The following GADL1 variants were observed in gnomAD, a reference collection of about 807,000 sequenced individuals.
The protein encoded by GADL1 is GAD like acidic amino acid decarboxylase 1.
In GADL1, 71 loss-of-function variants were observed where a neutral mutation model predicts 69.5. The observed-to-expected ratio is 1.02, with a 90% CI of 0.84 to 1.25. GADL1 has a LOEUF of 1.25. Ranked by LOEUF, GADL1 falls within the 50% of genes most tolerant of loss-of-function variation. GADL1 has a pLI of 0.00. For synonymous variants in GADL1, 254 were observed against 214.4 expected (o/e 1.18, Z -1.62); for missense variants, 737 against 631.8 (o/e 1.17, Z -1.79).
chr3:30,731,433 G>A (rs2125468630), intron 14 of GADL1, among the ~76,000 whole-genome samples: 1 of 152,248 alleles, frequency 6.6e-6, no homozygotes, highest in African/African-American at 2.4e-5. Context: ...TAATATATCT[G>A]AGGCTCACAT....
chr3:30,818,280 G>A (rs1307784848), intron 11 of GADL1, among the ~76,000 whole-genome samples: 1 of 152,166 alleles, frequency 6.6e-6, no homozygotes, highest in Non-Finnish European at 1.5e-5. Flanking sequence ...TATTTTACCT[G>A]TCGTGAGAAC....
At position 30,771,506 on chromosome 3, in the gene GADL1, C is replaced by CAT. The variant is rs371054407; in HGVS notation, c.1392+6671_1392+6672dup. ...CAAGTAAGGGGAGCCTCTTAAGTCA[C>CAT]ATTTAGAGCTATTTTCTTTAAAAGG... On this transcript the variant is annotated intron_variant, in intron 14 of 14. Transcript: ENST00000282538. 1.9e-3 allele frequency among the ~76,000 whole-genome samples: 291 copies of CAT among 152,272 alleles called. 1 individual carries two copies. Among genetic ancestry groups the CAT allele is most frequent in the African/African-American group, 6.6e-3 (273 of 41,548 alleles).
Position 30,778,265 on chromosome 3 carries a change from C to G in GADL1, c.1306G>C (p.Glu436Gln). ...TACCAAAAGCAAATATTGGCATATT[C>G]AGGCTGAGAATTAGAAAAAATATAA... Reference protein sequence around the residue: ...REGFKLLMEPEYANICFWYIP... With the variant: ...REGFKLLMEPQYANICFWYIP... The change falls in exon 14 of 15, where the codon GAA becomes CAA. Residue 436 changes from glutamate to glutamine, a missense_variant. Glu to Gln is a conservative substitution (Grantham distance 29). Coordinates refer to ENST00000282538, the MANE Select transcript of GADL1 (RefSeq NM_207359.3). The G allele has an allele frequency of 6.3e-7, 1 of 1,597,228 alleles. No individual in the cohort carries two copies. The highest frequency in any genetic ancestry group is 8.6e-7 in the Non-Finnish European group (1 of 1,166,120).
rs987316172 is a variant in GADL1 at position 30,888,326 on chromosome 3, C to A, written c.37+6252G>T. 1.2e-4 allele frequency among the ~76,000 whole-genome samples: 19 copies of A among 152,060 alleles called. 1 individual carries two copies. Among genetic ancestry groups the A allele is most frequent in the African/African-American group, 3.9e-4 (16 of 41,470 alleles). Reference sequence around the variant, plus strand: ...TATTTCCTCATCTGGGTGGTGGTTACGAGTGTACAAAATAATATTTGGGTG... The same window carrying A: ...TATTTCCTCATCTGGGTGGTGGTTAAGAGTGTACAAAATAATATTTGGGTG... On this transcript the variant is annotated intron_variant, in intron 1 of 14. Transcript: ENST00000282538.
rs117374946 is a variant in GADL1, at chr3:30,742,004, T to C, written c.1393-13589A>G. The stretch of plus-strand genomic sequence containing the variant: ...CAGGCCACATGGAGAGGCTTTCCTG[T>C]AGGTGCTCTGATTGACAGCTCCAAA... On this transcript the variant is annotated intron_variant, in intron 14 of 14. Coordinates refer to ENST00000282538, the MANE Select transcript of GADL1 (RefSeq NM_207359.3). 3.5e-4 allele frequency among the ~76,000 whole-genome samples: 54 copies of C among 152,280 alleles called. 2 individuals are homozygous for C. The East Asian group carries it at 6.9e-3, about 20-fold the overall frequency.
intron 11 of GADL1, among the ~76,000 whole-genome samples, chr3:30,810,318 A>C (rs72849846): frequency 0.026 from 4,032 of 152,250 alleles, 169 homozygotes; most frequent in African/African-American, 0.091. Context: ...TATCTGTGAA[A>C]ATGTGTTCTT....
chr3:30,803,699 G>C (rs1262139696), intron 11 of GADL1, among the ~76,000 whole-genome samples: 1 of 152,152 alleles, frequency 6.6e-6, no homozygotes, highest in Admixed American at 6.6e-5. Context: ...AAGAACAACT[G>C]GAGGCTTGGG....
intron 13 of GADL1, among the ~76,000 whole-genome samples, chr3:30,780,402 A>G (rs915485676): frequency 5.3e-5 from 8 of 152,094 alleles, no homozygotes; most frequent in Non-Finnish European, 1.2e-4. Context: ...TGGGCGCTCT[A>G]TCTCAGTGCC....
At chr3:30,882,077 A>G (rs1482465256) in intron 1 of GADL1, among the ~76,000 whole-genome samples, 1 of 151,912 alleles carries the variant, frequency 6.6e-6, no homozygotes, top group Non-Finnish European at 1.5e-5. Flanking sequence ...AGACTAAGAC[A>G]GTTTGACAAG....
chr3:30,784,100 C>T (rs1370696896), intron 13 of GADL1, among the ~76,000 whole-genome samples: 5 of 152,092 alleles, frequency 3.3e-5, no homozygotes, highest in African/African-American at 1.2e-4. Context: ...GCTGTTTCTC[C>T]CATACATGCT....
intron 14 of GADL1, among the ~76,000 whole-genome samples, chr3:30,756,836 G>T (rs1695986521): frequency 6.6e-6 from 1 of 152,150 alleles, no homozygotes; most frequent in African/African-American, 2.4e-5. Flanking sequence ...AAGACCAGTA[G>T]ATCCATCCAG....
At chr3:30,781,025 G>A (rs920016746) in intron 13 of GADL1, among the ~76,000 whole-genome samples, 3 of 152,060 alleles carry the variant, frequency 2.0e-5, no homozygotes, top group Admixed American at 1.3e-4. Context: ...AATTTTAATT[G>A]CCTACATATG....
chr3:30,768,548 AGG>A (rs905776238), intron 14 of GADL1, among the ~76,000 whole-genome samples: 2 of 97,980 alleles, frequency 2.0e-5, no homozygotes, highest in Admixed American at 1.3e-4. Context: ...GAAGGAGAAG[AGG>A]GGGAGAGAGA....
At chr3:30,793,053 T>C (rs1012854317) in intron 12 of GADL1, among the ~76,000 whole-genome samples, 3 of 152,150 alleles carry the variant, frequency 2.0e-5, no homozygotes, top group Non-Finnish European at 2.9e-5. Flanking sequence ...GTTTTAAATA[T>C]CCTAATGAGT....
At chr3:30,843,052 G>A (rs969251312) in intron 8 of GADL1, among the ~76,000 whole-genome samples, 4 of 151,824 alleles carry the variant, frequency 2.6e-5, no homozygotes, top group African/African-American at 9.7e-5. Context: ...ACTCCTATGA[G>A]GATAGATACA....
intron 12 of GADL1, among the ~76,000 whole-genome samples, chr3:30,790,892 AAATG>A (rs979158574): frequency 2.5e-4 from 38 of 152,290 alleles, no homozygotes; most frequent in African/African-American, 8.7e-4. Flanking sequence ...GCAGCTATTA[AAATG>A]AATGAATTAT....
chr3:30,862,410 T>C (rs1248869355), intron 1 of GADL1, among the ~76,000 whole-genome samples: 1 of 151,988 alleles, frequency 6.6e-6, no homozygotes, highest in South Asian at 2.1e-4. Context: ...TAATACAATA[T>C]CATACAATAG....
chr3:30,754,977 A>AGG (rs554283247), intron 14 of GADL1, among the ~76,000 whole-genome samples: 5 of 152,224 alleles, frequency 3.3e-5, no homozygotes, highest in South Asian at 2.1e-4. Flanking sequence ...GCAGACCAAA[A>AGG]CGGGGGAGCA....
chr3:30,855,818 G>C (rs1039768144), intron 3 of GADL1, among the ~76,000 whole-genome samples: 1 of 149,134 alleles, frequency 6.7e-6, no homozygotes, highest in Non-Finnish European at 1.5e-5. Context: ...ACAGCATCTG[G>C]TTTTAGTTTA....
Sources: allele counts gnomAD v4.1 joint callset (sites outside exome capture counted in the v4.1 genomes callset), GRCh38; gene constraint gnomAD v4.1.1; transcripts MANE v1.5; gene names NCBI Gene and HGNC (gene_info 2026-07-23, HGNC 2026-07-21).